SH3BP4: variants seen among roughly 807,000 people sequenced by gnomAD.
The protein encoded by SH3BP4 is SH3 domain-binding protein 4.
Under a neutral mutation model 65.5 loss-of-function variants are expected in SH3BP4, and 33 were observed. The observed-to-expected ratio is 0.50, with a 90% CI of 0.38 to 0.67. SH3BP4 has a LOEUF of 0.67. Among genes scored for constraint, SH3BP4 ranks in the 30% least tolerant of loss-of-function variants. The pLI is 0.00. For synonymous variants in SH3BP4, 552 were observed against 545.5 expected (o/e 1.01, Z -0.17); for missense variants, 1,134 against 1,261.4 (o/e 0.90, Z 1.53).
chr2:235,053,119 A>G (rs1013218161), intron 5 of SH3BP4, among the ~76,000 whole-genome samples: 13 of 152,230 alleles, frequency 8.5e-5, no homozygotes, highest in Admixed American at 2.0e-4. Flanking sequence ...CTGGTATGTT[A>G]CATAACTTGG....
chr2:235,015,473 G>C (rs1201131222), intron 2 of SH3BP4, among the ~76,000 whole-genome samples: 1 of 152,184 alleles, frequency 6.6e-6, no homozygotes, highest in Non-Finnish European at 1.5e-5. Context: ...AGGCACAGAG[G>C]TCAGCGACTT....
At chr2:235,053,489 G>C in intron 5 of SH3BP4, 103 bp from the exon 6 acceptor site, 1 of 815,556 alleles carries the variant, frequency 1.2e-6, no homozygotes, top group Non-Finnish European at 2.0e-6. Context: ...GTCCCAAATA[G>C]TGACTACTGA....
intron 2 of SH3BP4, among the ~76,000 whole-genome samples, chr2:235,001,464 G>A (rs767272370): frequency 4.6e-5 from 7 of 152,336 alleles, no homozygotes; most frequent in South Asian, 2.1e-4. Flanking sequence ...AGAGTGCACA[G>A]CTGAAACGGA....
At chr2:235,038,758 CTA>C (rs1271279207) in intron 3 of SH3BP4, among the ~76,000 whole-genome samples, 1 of 151,962 alleles carries the variant, frequency 6.6e-6, no homozygotes, top group Non-Finnish European at 1.5e-5. Context: ...ACTTGAGGGT[CTA>C]TGACCTGCTT....
At chr2:234,993,217 C>T (rs1354284334) in intron 1 of SH3BP4, among the ~76,000 whole-genome samples, 3 of 152,218 alleles carry the variant, frequency 2.0e-5, no homozygotes, top group African/African-American at 4.8e-5. Flanking sequence ...AGCTGATGTT[C>T]GGGCCACACG....
chr2:235,041,213 C>CA lies in SH3BP4; in HGVS notation c.450dup (p.Val151SerfsTer8). ...AGCTGCTCGGGGGATGGACAGATGA[C>CA]AAAAAAGTACCAGGCAGAATGTACA... On this transcript the variant is annotated frameshift_variant, in exon 4 of 6. Transcript: ENST00000392011. LOFTEE classifies it high-confidence loss of function. The surrounding 1 kb of genome is among the most constrained non-coding windows in gnomAD (Gnocchi z 6.0). The CA allele has an allele frequency of 6.2e-7, 1 of 1,614,004 alleles. No homozygotes were observed. Among genetic ancestry groups the CA allele is most frequent in the Non-Finnish European group, 8.5e-7 (1 of 1,179,998 alleles).
chr2:235,052,645 C>T lies in SH3BP4; in HGVS notation c.2562C>T (p.Ala854=), dbSNP rs1174929668. ...TCCTGACCACGGCTGTAGAGGTGGCCCAGCGCTGGCGGGAGCTGGCTGAGA... is the reference window on the plus strand; with the variant it reads ...TCCTGACCACGGCTGTAGAGGTGGCTCAGCGCTGGCGGGAGCTGGCTGAGA... The part of the protein sequence containing the change: ...FVLLTTAVEV[A]QRWRELAEKL... Residue 854 remains alanine, a synonymous_variant, in exon 5 of 6, where the codon GCC becomes GCT. Transcript: ENST00000392011. The surrounding 1 kb of genome is among the most constrained non-coding windows in gnomAD (Gnocchi z 5.0). 6.3e-7 allele frequency: 1 copy of T among 1,583,224 alleles called. No homozygotes were observed. The highest frequency in any genetic ancestry group is 1.3e-5 in the African/African-American group (1 of 74,150).
intron 2 of SH3BP4, among the ~76,000 whole-genome samples, chr2:235,021,386 T>C (rs1694841951): frequency 6.6e-6 from 1 of 151,794 alleles, no homozygotes; most frequent in Admixed American, 6.6e-5. Flanking sequence ...GGCTGAGGCA[T>C]GTGGATCACT....
At chr2:235,031,354 C>T (rs1365564761) in intron 2 of SH3BP4, among the ~76,000 whole-genome samples, 4 of 152,208 alleles carry the variant, frequency 2.6e-5, no homozygotes, top group Non-Finnish European at 5.9e-5. Context: ...AATAAACACA[C>T]ACACTGGTGC....
At position 235,046,530 on chromosome 2, in the gene SH3BP4, G is replaced by A. The variant is rs1004203835; in HGVS notation, c.2478+3283G>A. ...GAGGCTACACTGAGCTATGATCGCA[G>A]CACTGCACTCCAGCCTGGACAACAG... On this transcript the variant is annotated intron_variant, in intron 4 of 5. Coordinates refer to ENST00000392011, the MANE Select transcript of SH3BP4 (RefSeq NM_014521.3). This position sits in a 1 kb window ranked among gnomAD's most constrained non-coding sequence, Gnocchi z 4.2. Among the ~76,000 whole-genome samples the A allele has an allele frequency of 3.9e-5, 6 of 152,018 alleles. No homozygotes were observed. The highest frequency in any genetic ancestry group is 1.5e-4 in the African/African-American group (6 of 41,356).
In SH3BP4 at chr2:234,977,951, T is replaced by C. The variant is rs572811354; in HGVS notation, c.-206-17352T>C. 6.6e-6 allele frequency among the ~76,000 whole-genome samples: 1 copy of C among 152,276 alleles called. No homozygotes were observed. The highest frequency in any genetic ancestry group is 2.4e-5 in the African/African-American group (1 of 41,578). ...CCACTTGGATGGTCTGTTTCTATTT[T>C]ATTTTATTTTTTACTTTTTTTGAGA... On this transcript the variant is annotated intron_variant, in intron 1 of 5. Transcript: ENST00000392011. This position sits in a 1 kb window ranked among gnomAD's most constrained non-coding sequence, Gnocchi z 5.1.
chr2:235,041,459 G>A lies in SH3BP4; in HGVS notation c.690G>A (p.Pro230=), dbSNP rs780959308. 35 of 1,614,176 alleles carry A rather than the reference G, an allele frequency of 2.2e-5. No homozygotes were observed. In the South Asian group the frequency reaches 3.5e-4, roughly 16 times the overall value. ...TCACAAACGGACTCCACGCAGAGCC[G>A]CCGGTCAGGCGGGACAACCCCTTCT... ...LPVTNGLHAE[P]PVRRDNPFFR... is the part of the protein sequence containing the mutation. Residue 230 remains proline, a synonymous_variant, in exon 4 of 6, where the codon CCG becomes CCA. Coordinates refer to ENST00000392011, the MANE Select transcript of SH3BP4 (RefSeq NM_014521.3). This position sits in a 1 kb window ranked among gnomAD's most constrained non-coding sequence, Gnocchi z 6.0.
rs533347833 is a variant in SH3BP4, at chr2:235,054,082, G to A, written c.*266G>A. 7 of 408,736 alleles carry A rather than the reference G, an allele frequency of 1.7e-5. No homozygotes were observed. Among genetic ancestry groups the A allele is most frequent in the African/African-American group, 9.8e-5 (5 of 50,916 alleles). The allele number at this position is 408,736 out of a possible 1,614,324, so 25.3% of individuals were successfully genotyped here. ...ATTTAAAATCACTTTTTTAACGAAT[G>A]GGGGGAAGGGATCTATGAGAAAGGT... On this transcript the variant is annotated 3_prime_UTR_variant, in exon 6 of 6. Transcript: ENST00000392011.
At chr2:235,027,023 G>T (rs1695023210) in intron 2 of SH3BP4, among the ~76,000 whole-genome samples, 1 of 152,240 alleles carries the variant, frequency 6.6e-6, no homozygotes, top group Non-Finnish European at 1.5e-5. Flanking sequence ...ATTAGGAAAG[G>T]TTCTGCTGAT....
chr2:234,994,574 G>A (rs1464709564), intron 1 of SH3BP4: 1 of 152,152 alleles, frequency 6.6e-6, no homozygotes, highest in Admixed American at 6.5e-5. Context: ...CAAAGGCGCC[G>A]GCTCTGTAGT....
At chr2:235,049,848 C>G (rs11884934) in intron 4 of SH3BP4, among the ~76,000 whole-genome samples, 23,201 of 152,212 alleles carry the variant, frequency 0.15, 1,857 homozygotes, top group Middle Eastern at 0.2. Flanking sequence ...CCTGTCACTT[C>G]CAGCTGTGGG....
intron 1 of SH3BP4, among the ~76,000 whole-genome samples, chr2:234,958,707 G>A (rs1036895568): frequency 6.6e-6 from 1 of 151,980 alleles, no homozygotes; most frequent in African/African-American, 2.4e-5. Flanking sequence ...GGGGGAGAGG[G>A]GGTTGAGAGC....
intron 2 of SH3BP4, among the ~76,000 whole-genome samples, chr2:235,023,410 T>A (rs1694903078): frequency 6.6e-6 from 1 of 151,930 alleles, no homozygotes; most frequent in South Asian, 2.1e-4. Flanking sequence ...TAACTGGACA[T>A]GGTGGTGGAG....
At chr2:235,051,818 G>A (rs1041644140) in intron 4 of SH3BP4, among the ~76,000 whole-genome samples, 5 of 152,112 alleles carry the variant, frequency 3.3e-5, no homozygotes, top group African/African-American at 1.2e-4. Context: ...GGTCCAGCTC[G>A]CCCTCCATCC....
Sources: allele counts gnomAD v4.1 joint callset (sites outside exome capture counted in the v4.1 genomes callset), GRCh38; gene constraint gnomAD v4.1.1; non-coding constraint Gnocchi (gnomAD v3.1); transcripts MANE v1.5; gene names NCBI Gene and HGNC (gene_info 2026-07-23, HGNC 2026-07-21).